The following CNTN5 variants were observed in gnomAD, a reference collection of about 807,000 sequenced individuals.
The protein encoded by CNTN5 is contactin-5.
Under a neutral mutation model 129.1 loss-of-function variants are expected in CNTN5, and 77 were observed. The observed-to-expected ratio is 0.60, with a 90% CI of 0.50 to 0.72. CNTN5 has a LOEUF of 0.72. CNTN5 is among the 30% of genes least tolerant of loss of function. CNTN5 has a pLI of 0.00. For synonymous variants in CNTN5, 509 were observed against 465.6 expected, an observed-to-expected ratio of 1.09 and a Z score of -1.20; for missense variants, 1,478 against 1,328.8, an observed-to-expected ratio of 1.11 and a Z score of -1.75.
chr11:99,830,792 A>G (rs1244128653), intron 4 of CNTN5, among the ~76,000 whole-genome samples: 1 of 152,082 alleles, frequency 6.6e-6, no homozygotes, highest in Non-Finnish European at 1.5e-5. Flanking sequence ...CTTTTTTACC[A>G]ATTTAAGTAT....
At position 99,450,257 on chromosome 11, in the gene CNTN5, AATATATATATAT is replaced by A. The variant is rs56270711; in HGVS notation, c.-70-105871_-70-105860del. On this transcript the variant is annotated intron_variant, in intron 2 of 24. Transcript: ENST00000524871. Reference sequence around the variant, plus strand: ...TTTGGCAAAAAGTATTGCTGGTAGAAATATATATATATATATATATATATATATGTTTGTGTA... The same window carrying A: ...TTTGGCAAAAAGTATTGCTGGTAGAAATATATATATATATATGTTTGTGTA... Among the ~76,000 whole-genome samples, 213 of 145,766 alleles carry A rather than the reference AATATATATATAT, an allele frequency of 1.5e-3. 1 individual carries two copies. Among genetic ancestry groups the A allele is most frequent in the Middle Eastern group, 7.3e-3 (2 of 274 alleles).
In CNTN5 at chr11:100,308,444, T is replaced by C. The variant is rs1951404853; in HGVS notation, c.2706T>C (p.Ser902=). 1 of 1,610,436 alleles carries C rather than the reference T, an allele frequency of 6.2e-7. No homozygotes were observed. The highest frequency in any genetic ancestry group is 1.1e-5 in the South Asian group (1 of 90,968). ...TTGCATGGAAACACATTAAAGAGAG[T>C]CTAGGAAGACCACAGGGATTTGAGG... ...ILVAWKHIKE[S]LGRPQGFEVG... is the part of the protein sequence containing the mutation. Residue 902 remains serine (S), a synonymous_variant, in exon 21 of 25, where the codon AGT becomes AGC. Coordinates refer to ENST00000524871, the MANE Select transcript of CNTN5 (RefSeq NM_014361.4).
chr11:100,075,639 T>C (rs1379583641), intron 13 of CNTN5, among the ~76,000 whole-genome samples: 1 of 152,198 alleles, frequency 6.6e-6, no homozygotes, highest in African/African-American at 2.4e-5. Flanking sequence ...GTTCAGATTC[T>C]TCTTGGCCAT....
At chr11:100,288,114 C>T (rs1233413473) in intron 18 of CNTN5, among the ~76,000 whole-genome samples, 1 of 152,094 alleles carries the variant, frequency 6.6e-6, no homozygotes, top group African/African-American at 2.4e-5. Context: ...AAAGCAAGTG[C>T]TTAGTGACCT....
At chr11:100,118,661 T>G (rs1591276324) in intron 13 of CNTN5, among the ~76,000 whole-genome samples, 1 of 151,910 alleles carries the variant, frequency 6.6e-6, no homozygotes, top group East Asian at 1.9e-4. Context: ...TAGTGTCATA[T>G]TTTATGGTTT....
intron 1 of CNTN5, among the ~76,000 whole-genome samples, chr11:99,175,985 T>A (rs911943013): frequency 1.3e-5 from 2 of 152,226 alleles, no homozygotes; most frequent in Admixed American, 1.3e-4. Flanking sequence ...CTCAAGTCCA[T>A]GGTTCTAGCA....
In CNTN5 at chr11:100,255,713, C is replaced by T. The variant is rs765587030; in HGVS notation, c.2006-47C>T. 8 of 1,532,746 alleles carry T rather than the reference C, an allele frequency of 5.2e-6. No homozygotes were observed. The East Asian group carries it at 1.8e-4, about 35-fold the overall frequency. 94.9% of individuals were successfully genotyped at this position (1,532,746 alleles called of 1,614,324 possible). A position where few individuals can be genotyped will look rare whatever the true frequency, so the allele number is the denominator to read the frequency against. Reference sequence around the variant, plus strand: ...TTGGAAATATAATTTCTCATGGCTCCTGATAATAATTTGTGCTTAACTTTA... The same window carrying T: ...TTGGAAATATAATTTCTCATGGCTCTTGATAATAATTTGTGCTTAACTTTA... On this transcript the variant is annotated intron_variant, in intron 16 of 24. Coordinates refer to ENST00000524871, the MANE Select transcript of CNTN5 (RefSeq NM_014361.4).
At chr11:99,760,536 AT>A (rs1944544290) in intron 3 of CNTN5, among the ~76,000 whole-genome samples, 2 of 152,162 alleles carry the variant, frequency 1.3e-5, no homozygotes, top group African/African-American at 4.8e-5. Context: ...AAAGAATAAA[AT>A]AAAATAATGC....
At chr11:99,188,126 T>G (rs892258647) in intron 1 of CNTN5, among the ~76,000 whole-genome samples, 1 of 151,904 alleles carries the variant, frequency 6.6e-6, no homozygotes, top group African/African-American at 2.4e-5. Flanking sequence ...ATTCTTTTTA[T>G]AGGTGATTAG....
chr11:99,353,349 T>A (rs7117017), intron 2 of CNTN5, among the ~76,000 whole-genome samples: 1 of 152,270 alleles, frequency 6.6e-6, no homozygotes, highest in East Asian at 1.9e-4. Context: ...CAAAATTTTT[T>A]CAAAATAGAA....
chr11:99,845,072 T>G lies in CNTN5; in HGVS notation c.402-15T>G. On this transcript the variant is annotated splice_polypyrimidine_tract_variant and intron_variant, in intron 5 of 24. Transcript: ENST00000524871. ...GGGAGGATTATACATATTTGTCTTC[T>G]GATTTTTTCCTAAGATGGCTTCGAA... 1 of 1,612,614 alleles carries G rather than the reference T, an allele frequency of 6.2e-7. No individual in the cohort carries two copies. Among genetic ancestry groups the G allele is most frequent in the Non-Finnish European group, 8.5e-7 (1 of 1,179,162 alleles).
At chr11:99,375,930 A>C (rs1276165679) in intron 2 of CNTN5, among the ~76,000 whole-genome samples, 1 of 152,182 alleles carries the variant, frequency 6.6e-6, no homozygotes, top group Non-Finnish European at 1.5e-5. Context: ...TATTTAATCT[A>C]CCACAAATGG....
intron 8 of CNTN5, among the ~76,000 whole-genome samples, chr11:99,958,148 G>C (rs1950851895): frequency 6.6e-6 from 1 of 152,066 alleles, no homozygotes; most frequent in Admixed American, 6.5e-5. Flanking sequence ...GAAACCAGTA[G>C]AAAAAAGAAT....
chr11:99,714,240 A>G (rs1003475859), intron 3 of CNTN5, among the ~76,000 whole-genome samples: 1 of 151,940 alleles, frequency 6.6e-6, no homozygotes, highest in Non-Finnish European at 1.5e-5. Flanking sequence ...TATTTTACCA[A>G]GTGGAAGCGT....
intron 2 of CNTN5, among the ~76,000 whole-genome samples, chr11:99,524,223 A>G (rs768111198): frequency 7.2e-5 from 11 of 152,148 alleles, no homozygotes; most frequent in Non-Finnish European, 1.6e-4. Context: ...TTAATCTGGC[A>G]TTGTCAGGTC....
chr11:100,121,171 C>G (rs1019270618), intron 13 of CNTN5, among the ~76,000 whole-genome samples: 2 of 151,762 alleles, frequency 1.3e-5, no homozygotes, highest in African/African-American at 4.8e-5. Flanking sequence ...GGGCTTGGAT[C>G]CTGGCAAAAC....
intron 1 of CNTN5, among the ~76,000 whole-genome samples, chr11:99,124,481 G>A (rs142386425): frequency 6.6e-6 from 1 of 151,774 alleles, no homozygotes; most frequent in African/African-American, 2.4e-5. Context: ...AAACAGGGAT[G>A]TATATAGCAC....
chr11:100,037,161 A>G (rs1081349), intron 9 of CNTN5, among the ~76,000 whole-genome samples: 53,853 of 132,000 alleles, frequency 0.41, 11,964 homozygotes, highest in Middle Eastern at 0.53. Context: ...CTAATTTATT[A>G]AGAGTTTTTA....
chr11:99,678,577 A>C (rs1050435641), intron 3 of CNTN5, among the ~76,000 whole-genome samples: 11 of 152,134 alleles, frequency 7.2e-5, no homozygotes, highest in Non-Finnish European at 1.5e-4. Flanking sequence ...ATTACACACA[A>C]AATCACATCA....
Sources: gnomAD v4.1 joint callset for allele counts (sites outside exome capture counted in the v4.1 genomes callset) on GRCh38, gnomAD v4.1.1 for gene constraint, MANE v1.5 for transcripts, NCBI Gene and HGNC (gene_info 2026-07-23, HGNC 2026-07-21) for gene names.